Variants in NALCN observed in about 807,000 individuals in gnomAD.
NALCN encodes sodium leak channel, non-selective.
A neutral mutation model predicts 225.3 loss-of-function variants in NALCN; 111 were observed. The observed-to-expected ratio is 0.49, with a 90% CI of 0.42 to 0.58. NALCN has a LOEUF of 0.58. NALCN is among the 20% of genes least tolerant of loss of function. NALCN has a pLI of 0.00. For synonymous variants in NALCN, 764 were observed against 769.0 expected, an observed-to-expected ratio of 0.99 and a Z score of 0.11; for missense variants, 1,378 against 2,202.4, an observed-to-expected ratio of 0.63 and a Z score of 7.49.
chr13:101,090,900 G>A (rs756612145), intron 28 of NALCN, among the ~76,000 whole-genome samples: 8 of 152,228 alleles, frequency 5.3e-5, no homozygotes, highest in South Asian at 2.1e-4. Flanking sequence ...CCGCTGTCCA[G>A]AGTTTCCAAC....
intron 18 of NALCN, among the ~76,000 whole-genome samples, chr13:101,113,900 C>A (rs568764817): frequency 2.0e-5 from 3 of 152,168 alleles, no homozygotes; most frequent in African/African-American, 7.2e-5. Context: ...TATCACTCAG[C>A]CTCCCATTCC....
chr13:101,205,761 T>C (rs1279313704), intron 13 of NALCN, among the ~76,000 whole-genome samples: 3 of 152,136 alleles, frequency 2.0e-5, no homozygotes, highest in African/African-American at 7.2e-5. Context: ...TCATTGTCAA[T>C]CAAATATGTG....
At chr13:101,165,959 GACT>G (rs2038418196) in intron 15 of NALCN, among the ~76,000 whole-genome samples, 1 of 152,194 alleles carries the variant, frequency 6.6e-6, no homozygotes, top group African/African-American at 2.4e-5. Context: ...CTCTGAATTT[GACT>G]ACTTTAGATA....
rs547413640 is a variant in NALCN at position 101,246,640 on chromosome 13, C to T, written c.1267-8718G>A. Among the ~76,000 whole-genome samples the T allele has an allele frequency of 3.3e-5, 5 of 152,272 alleles. No homozygotes were observed. In the East Asian group the frequency reaches 9.6e-4, roughly 29 times the overall value. On this transcript the variant is annotated intron_variant, in intron 11 of 43. Transcript: ENST00000251127. ...ATAATGTCCAGATCTTTTAGAAACA[C>T]ACACAAAAAGTAATTGTCAGAAGAA...
chr13:101,259,856 G>A (rs762895682), intron 10 of NALCN, among the ~76,000 whole-genome samples: 4 of 150,744 alleles, frequency 2.7e-5, no homozygotes, highest in Non-Finnish European at 4.4e-5. Context: ...TGGAGAATGG[G>A]GTATCCTTTG....
intron 40 of NALCN, among the ~76,000 whole-genome samples, chr13:101,064,393 T>C (rs2032198066): frequency 6.6e-6 from 1 of 152,176 alleles, no homozygotes; most frequent in South Asian, 2.1e-4. Context: ...CAAAAAAAGA[T>C]ATGTTGGAGT....
chr13:101,389,470 C>T (rs1446651857), intron 3 of NALCN, among the ~76,000 whole-genome samples: 1 of 152,176 alleles, frequency 6.6e-6, no homozygotes, highest in Admixed American at 6.5e-5. Context: ...AAAACCCTTT[C>T]CAGACCACAG....
At chr13:101,237,664 A>G in intron 12 of NALCN, 91 bp downstream of exon 12, 1 of 630,376 alleles carries the variant, frequency 1.6e-6, no homozygotes, top group Non-Finnish European at 2.4e-6. Context: ...AATATTATAT[A>G]TAATTCTATG....
chr13:101,120,017 C>T (rs2035896192), intron 18 of NALCN, among the ~76,000 whole-genome samples: 1 of 151,906 alleles, frequency 6.6e-6, no homozygotes, highest in Non-Finnish European at 1.5e-5. Context: ...AGTACAAGAA[C>T]ATGAATTAAA....
chr13:101,328,195 G>A (rs780104614), intron 7 of NALCN, among the ~76,000 whole-genome samples: 1 of 152,194 alleles, frequency 6.6e-6, no homozygotes, highest in Non-Finnish European at 1.5e-5. Context: ...GTATCTCAAA[G>A]CAGTGCAAGA....
At chr13:101,226,382 A>G (rs1451322670) in intron 13 of NALCN, among the ~76,000 whole-genome samples, 1 of 152,204 alleles carries the variant, frequency 6.6e-6, no homozygotes, top group Non-Finnish European at 1.5e-5. Context: ...AATGCTCCTG[A>G]GCAAAATTGG....
At position 101,055,245 on chromosome 13, in the gene NALCN, T is replaced by C. The variant is rs1354790856; in HGVS notation, c.*50A>G. 3 of 1,447,130 alleles carry C rather than the reference T, an allele frequency of 2.1e-6. No homozygotes were observed. Among genetic ancestry groups the C allele is most frequent in the Non-Finnish European group, 2.9e-6 (3 of 1,041,642 alleles). The allele number at this position is 1,447,130 out of a possible 1,614,324, so 89.6% of individuals were successfully genotyped here. A position where few individuals can be genotyped will look rare whatever the true frequency, so the allele number is the denominator to read the frequency against. Reference sequence around the variant, plus strand: ...TTGCTCACTGGACAATCAAGGACATTATTAGAAAACGGTTTCCACCACTAG... The same window carrying C: ...TTGCTCACTGGACAATCAAGGACATCATTAGAAAACGGTTTCCACCACTAG... On this transcript the variant is annotated 3_prime_UTR_variant, in exon 44 of 44. Transcript: ENST00000251127.
intron 15 of NALCN, among the ~76,000 whole-genome samples, chr13:101,153,208 G>A (rs921120708): frequency 1.4e-4 from 21 of 152,134 alleles, no homozygotes; most frequent in African/African-American, 4.1e-4. Flanking sequence ...AGGATCTTTA[G>A]TCTTTCATAT....
intron 30 of NALCN, among the ~76,000 whole-genome samples, chr13:101,086,340 C>T (rs1273089518): frequency 6.6e-6 from 1 of 151,898 alleles, no homozygotes; most frequent in Non-Finnish European, 1.5e-5. Context: ...TTTGTAATTA[C>T]TGATTTACCT....
chr13:101,071,980 GAA>G (rs1040869645), intron 37 of NALCN, among the ~76,000 whole-genome samples: 1 of 152,154 alleles, frequency 6.6e-6, no homozygotes, highest in African/African-American at 2.4e-5. Flanking sequence ...AGAAAAGAGA[GAA>G]GAGTTGGAGA....
intron 13 of NALCN, among the ~76,000 whole-genome samples, chr13:101,193,273 G>A (rs1181282565): frequency 6.6e-6 from 1 of 152,040 alleles, no homozygotes; most frequent in Non-Finnish European, 1.5e-5. Flanking sequence ...AGTCTACCCA[G>A]GATCTACCAG....
intron 15 of NALCN, among the ~76,000 whole-genome samples, chr13:101,153,256 T>C (rs1402456218): frequency 1.3e-5 from 2 of 152,208 alleles, no homozygotes; most frequent in African/African-American, 4.8e-5. Context: ...AATATGCCTG[T>C]AATTTGAATT....
At chr13:101,134,604 C>G (rs573578945) in intron 17 of NALCN, among the ~76,000 whole-genome samples, 9 of 151,904 alleles carry the variant, frequency 5.9e-5, no homozygotes, top group Non-Finnish European at 1.3e-4. Flanking sequence ...ATATGAATGA[C>G]GTAAAAATTA....
At chr13:101,346,530 A>G (rs2045744331) in intron 6 of NALCN, among the ~76,000 whole-genome samples, 1 of 152,170 alleles carries the variant, frequency 6.6e-6, no homozygotes, top group African/African-American at 2.4e-5. Context: ...AAATAACCAG[A>G]CAAATAAGGA....
Sources: gnomAD v4.1 joint callset for allele counts (sites outside exome capture counted in the v4.1 genomes callset) on GRCh38, gnomAD v4.1.1 for gene constraint, MANE v1.5 for transcripts, NCBI Gene and HGNC (gene_info 2026-07-23, HGNC 2026-07-21) for gene names.